CACNG5: variants seen among roughly 807,000 people sequenced by gnomAD.
CACNG5 encodes voltage-dependent calcium channel gamma-5 subunit.
Under a neutral mutation model 24.8 loss-of-function variants are expected in CACNG5, and 18 were observed. The observed-to-expected ratio is 0.73, with a 90% CI of 0.50 to 1.08. The LOEUF (loss-of-function observed/expected upper bound fraction) is 1.08. CACNG5 is among the 50% of genes least tolerant of loss of function. CACNG5 has a pLI of 0.00. For missense variants in CACNG5, 349 were observed against 367.9 expected, an observed-to-expected ratio of 0.95 and a Z score of 0.42; for synonymous variants, 157 against 149.1, an observed-to-expected ratio of 1.05 and a Z score of -0.39.
intron 1 of CACNG5, among the ~76,000 whole-genome samples, chr17:66,840,224 G>A (rs1215972081): frequency 6.6e-6 from 1 of 152,208 alleles, no homozygotes; most frequent in African/African-American, 2.4e-5. Context: ...AATCCGCCCA[G>A]CCACGGGCAT....
Position 66,891,678 on chromosome 17 carries a change from C to A in CACNG5, c.*6438C>A, listed in dbSNP as rs1327602300. Among the ~76,000 whole-genome samples the A allele has an allele frequency of 6.6e-6, 1 of 152,112 alleles. No homozygotes were observed. The highest frequency in any genetic ancestry group is 2.4e-5 in the African/African-American group (1 of 41,404). On this transcript the variant is annotated 3_prime_UTR_variant, in exon 6 of 6. Transcript: ENST00000533854. ...ATTTCCATCATAATCCCCAGACAACCTAGGTTTATAGAGAAGAGAACGTAG... is the reference window on the plus strand; with the variant it reads ...ATTTCCATCATAATCCCCAGACAACATAGGTTTATAGAGAAGAGAACGTAG...
chr17:66,849,498 G>A (rs926088911), intron 1 of CACNG5, among the ~76,000 whole-genome samples: 1 of 152,212 alleles, frequency 6.6e-6, no homozygotes, highest in East Asian at 1.9e-4. Flanking sequence ...CCTGAACCTT[G>A]GGATTACACT....
In CACNG5 at chr17:66,884,584, A is replaced by C; in HGVS notation, c.493A>C (p.Lys165Gln). ...SINDEMLNRT[K>Q]DAETYFNYKY... ...CAACGATGAGATGCTCAACAGGACC[A>C]AGGATGCAGAGACCTACTTCAACTA... Residue 165 changes from lysine to glutamine, a missense_variant, in exon 5 of 6, where the codon AAG (lysine) becomes CAG (glutamine). Coordinates refer to ENST00000533854, the MANE Select transcript of CACNG5 (RefSeq NM_145811.3). The C allele has an allele frequency of 6.2e-7, 1 of 1,614,148 alleles. No individual in the cohort carries two copies. Among genetic ancestry groups the C allele is most frequent in the Non-Finnish European group, 8.5e-7 (1 of 1,180,020 alleles).
chr17:66,857,458 A>G (rs1259333263), intron 1 of CACNG5, among the ~76,000 whole-genome samples: 2 of 152,244 alleles, frequency 1.3e-5, no homozygotes, highest in East Asian at 3.8e-4. Context: ...AAAAAAGTAT[A>G]AAGACACAGG....
intron 1 of CACNG5, among the ~76,000 whole-genome samples, chr17:66,861,422 T>C (rs776440705): frequency 3.9e-5 from 6 of 152,230 alleles, no homozygotes; most frequent in Non-Finnish European, 7.3e-5. Flanking sequence ...GTTTTAATCA[T>C]AGTGCCTACT....
intron 3 of CACNG5, among the ~76,000 whole-genome samples, chr17:66,880,092 C>T (rs1373767575): frequency 2.6e-5 from 4 of 152,188 alleles, no homozygotes; most frequent in African/African-American, 9.7e-5. Flanking sequence ...AACAGAATTG[C>T]TCCCCAAGTA....
At chr17:66,867,322 T>G (rs1271376455) in intron 1 of CACNG5, among the ~76,000 whole-genome samples, 1 of 152,186 alleles carries the variant, frequency 6.6e-6, no homozygotes, top group African/African-American at 2.4e-5. Flanking sequence ...GGGTTGTTTG[T>G]TTTTTTCTTG....
At chr17:66,884,729 G>A in intron 5 of CACNG5, 68 bp downstream of exon 5, 2 of 1,614,076 alleles carry the variant, frequency 1.2e-6, no homozygotes, top group Non-Finnish European at 1.7e-6. Context: ...CGGGGAGAGT[G>A]GGGATGGGGG....
chr17:66,861,348 C>CT (rs1325414713), intron 1 of CACNG5, among the ~76,000 whole-genome samples: 1 of 152,248 alleles, frequency 6.6e-6, no homozygotes, highest in Non-Finnish European at 1.5e-5. Flanking sequence ...GCTAGAGTCT[C>CT]TATTTTAAGC....
intron 1 of CACNG5, among the ~76,000 whole-genome samples, chr17:66,872,211 G>A (rs1977017763): frequency 6.6e-6 from 1 of 152,208 alleles, no homozygotes; most frequent in Non-Finnish European, 1.5e-5. Flanking sequence ...AGTTAAAAGT[G>A]TGATGTTGCA....
chr17:66,859,841 C>G (rs925559707), intron 1 of CACNG5, among the ~76,000 whole-genome samples: 2 of 152,002 alleles, frequency 1.3e-5, no homozygotes, highest in South Asian at 2.1e-4. Context: ...TTCTCCTCCC[C>G]CTTCCCCTCT....
intron 1 of CACNG5, among the ~76,000 whole-genome samples, chr17:66,862,763 G>T (rs1598053356): frequency 1.3e-5 from 2 of 149,450 alleles, no homozygotes; most frequent in East Asian, 4.0e-4. Flanking sequence ...CATAGCTATG[G>T]AATTACTAGG....
rs1342633979 is a variant in CACNG5, at chr17:66,889,133, T to A, written c.*3893T>A. Among the ~76,000 whole-genome samples, 2 of 152,136 alleles carry A rather than the reference T, an allele frequency of 1.3e-5. No individual in the cohort carries two copies. The highest frequency in any genetic ancestry group is 2.9e-5 in the Non-Finnish European group (2 of 68,024). On this transcript the variant is annotated 3_prime_UTR_variant, in exon 6 of 6. Transcript: ENST00000533854. ...GCACCATCATGCCCAGCTAATTTTT[T>A]AATTTTTAGTAGAGATGGGGTTTCC...
intron 1 of CACNG5, among the ~76,000 whole-genome samples, chr17:66,855,593 G>A (rs866753956): frequency 2.0e-5 from 3 of 152,090 alleles, no homozygotes; most frequent in Non-Finnish European, 2.9e-5. Context: ...TTGCGATCTC[G>A]GTTCACTGCA....
chr17:66,879,573 G>A (rs1027014368), intron 3 of CACNG5, among the ~76,000 whole-genome samples: 1 of 152,122 alleles, frequency 6.6e-6, no homozygotes, highest in Admixed American at 6.5e-5. Context: ...ATGACTCACA[G>A]AACTCGGGCA....
At chr17:66,863,697 A>C (rs1976894285) in intron 1 of CACNG5, among the ~76,000 whole-genome samples, 1 of 152,198 alleles carries the variant, frequency 6.6e-6, no homozygotes, top group Admixed American at 6.5e-5. Context: ...ATTTATACAC[A>C]TAATCCTCTT....
chr17:66,856,262 A>G (rs922497718), intron 1 of CACNG5, among the ~76,000 whole-genome samples: 31 of 152,244 alleles, frequency 2.0e-4, no homozygotes, highest in Admixed American at 3.9e-4. Flanking sequence ...AAAGAGTGAA[A>G]TACTTTTATG....
intron 1 of CACNG5, among the ~76,000 whole-genome samples, chr17:66,870,025 G>A (rs1976982059): frequency 6.6e-6 from 1 of 152,030 alleles, no homozygotes; most frequent in Non-Finnish European, 1.5e-5. Flanking sequence ...GGAGGTTGCA[G>A]TGAGCTGAGA....
rs552135212 is a variant in CACNG5, at chr17:66,850,358, A to C, written c.-104+15108A>C. Among the ~76,000 whole-genome samples, 12 of 152,302 alleles carry C rather than the reference A, an allele frequency of 7.9e-5. No homozygotes were observed. In the South Asian group the frequency reaches 2.5e-3, roughly 32 times the overall value. ...AACTGAGCACTCCACTTAGCAGTGTATATGGGACACAGTTAAATAATGAAA... is the reference window on the plus strand; with the variant it reads ...AACTGAGCACTCCACTTAGCAGTGTCTATGGGACACAGTTAAATAATGAAA... On this transcript the variant is annotated intron_variant, in intron 1 of 5. Coordinates refer to ENST00000533854, the MANE Select transcript of CACNG5 (RefSeq NM_145811.3).
Sources: allele counts gnomAD v4.1 joint callset (sites outside exome capture counted in the v4.1 genomes callset), GRCh38; gene constraint gnomAD v4.1.1; transcripts MANE v1.5; gene names NCBI Gene and HGNC (gene_info 2026-07-23, HGNC 2026-07-21).